FBXL5: variants seen among roughly 807,000 people sequenced by gnomAD.
FBXL5 encodes the protein F-box/LRR-repeat protein 5.
A neutral mutation model predicts 78.3 loss-of-function variants in FBXL5; 26 were observed. The ratio of observed to expected loss-of-function variants is 0.33; its 90% CI spans 0.24 to 0.46. FBXL5 has a LOEUF of 0.46. Among genes scored for constraint, FBXL5 ranks in the 20% least tolerant of loss-of-function variants. The probability of loss-of-function intolerance (pLI) is 1.00; values close to 1 mark genes in which losing one functional copy is unlikely to be tolerated. For missense variants in FBXL5, 710 were observed against 829.2 expected (o/e 0.86, Z 1.77); for synonymous variants, 295 against 282.5 (o/e 1.04, Z -0.45).
upstream of FBXL5, among the ~76,000 whole-genome samples, chr4:15,660,309 C>T (rs184894960): frequency 2.0e-3 from 297 of 152,192 alleles, 5 homozygotes; most frequent in Non-Finnish European, 8.8e-4. Flanking sequence ...TCTTGAACTC[C>T]TAGCTTCAAG....
chr4:15,623,745 A>C (rs1712716247), intron 9 of FBXL5, among the ~76,000 whole-genome samples: 1 of 152,192 alleles, frequency 6.6e-6, no homozygotes, highest in Admixed American at 6.5e-5. Flanking sequence ...GATTCACAGC[A>C]GCCAAACCAC....
intron 10 of FBXL5, among the ~76,000 whole-genome samples, chr4:15,607,858 A>G (rs1331356570): frequency 1.3e-5 from 2 of 152,190 alleles, no homozygotes; most frequent in African/African-American, 4.8e-5. Context: ...AAATTTTTTT[A>G]AAGAAATAAG....
intron 1 of FBXL5, among the ~76,000 whole-genome samples, chr4:15,654,046 G>A (rs892232459): frequency 6.6e-6 from 1 of 152,234 alleles, no homozygotes; most frequent in Non-Finnish European, 1.5e-5. Context: ...GGAGTGCTAA[G>A]ATTTGAAATT....
chr4:15,655,924 C>T (rs904134578), upstream of FBXL5, among the ~76,000 whole-genome samples: 2 of 152,236 alleles, frequency 1.3e-5, no homozygotes, highest in Non-Finnish European at 2.9e-5. Context: ...GAGCTGCGGG[C>T]TCTGAGAGCT....
intron 3 of FBXL5, among the ~76,000 whole-genome samples, chr4:15,639,700 TATTA>T (rs1714641297): frequency 2.0e-5 from 3 of 152,358 alleles, no homozygotes; most frequent in Non-Finnish European, 1.5e-5. Flanking sequence ...ACTGGCTGTA[TATTA>T]CAATGAGTTG....
chr4:15,655,288 C>G lies in FBXL5; in HGVS notation c.-1G>C. On this transcript the variant is annotated 5_prime_UTR_variant, in exon 1 of 11. Coordinates refer to ENST00000341285, the MANE Select transcript of FBXL5 (RefSeq NM_012161.4). The stretch of plus-strand genomic sequence containing the variant: ...CCACTTCTTCAGGAAAGGGCGCCAT[C>G]GCCACTGCCTCAGCCTCCGCCTCAG... The G allele has an allele frequency of 7.0e-7, 1 of 1,424,708 alleles. No individual in the cohort carries two copies. The highest frequency in any genetic ancestry group is 3.2e-5 in the East Asian group (1 of 31,720). The allele number at this position is 1,424,708 out of a possible 1,614,324, so 88.3% of individuals were successfully genotyped here. A position where few individuals can be genotyped will look rare whatever the true frequency, so the allele number is the denominator to read the frequency against.
rs765242310 is a variant in FBXL5 at position 15,605,805 on chromosome 4, T to G, written c.2000-6A>C. The G allele has an allele frequency of 1.2e-6, 2 of 1,602,340 alleles. No individual in the cohort carries two copies. Among genetic ancestry groups the G allele is most frequent in the South Asian group, 1.1e-5 (1 of 90,908 alleles). On this transcript the variant is annotated splice_polypyrimidine_tract_variant and splice_region_variant and intron_variant, in intron 10 of 10. Coordinates refer to ENST00000341285, the MANE Select transcript of FBXL5 (RefSeq NM_012161.4). ...GGCGGTATCAGCATGAGGACCTGTA[T>G]GAAAACAGAAAAATGTGAAAGGAGG...
rs757034034 is a variant in FBXL5, at chr4:15,625,923, A to G, written c.1179T>C (p.Cys393=). 40 of 1,610,376 alleles carry G rather than the reference A, an allele frequency of 2.5e-5. No individual in the cohort carries two copies. Among genetic ancestry groups the G allele is most frequent in the Non-Finnish European group, 3.3e-5 (39 of 1,179,002 alleles). ...QSLRHLDLSG[C]EKITDVALEK... The stretch of plus-strand genomic sequence containing the variant: ...CTAGGGCCACATCTGTGATTTTCTC[A>G]CAACCAGACAGATCAAGATGCCGAA... Residue 393 remains cysteine (C), a synonymous_variant, in exon 9 of 11, where the codon TGT becomes TGC. Coordinates refer to ENST00000341285, the MANE Select transcript of FBXL5 (RefSeq NM_012161.4).
At chr4:15,658,399 C>G (rs1164400396), upstream of FBXL5, among the ~76,000 whole-genome samples, 1 of 152,088 alleles carries the variant, frequency 6.6e-6, no homozygotes, top group Admixed American at 6.5e-5. Flanking sequence ...AAACTTAATC[C>G]CCAATAAGGC....
rs760247772 is a variant in FBXL5, at chr4:15,636,606, G to C, written c.654C>G (p.Ser218Arg). Residue 218 changes from serine to arginine, a missense_variant, in exon 5 of 11, where the codon AGC becomes AGG. By Grantham distance (110) the Ser-to-Arg change is moderately radical. Transcript: ENST00000341285. The stretch of plus-strand genomic sequence containing the variant: ...GACATAACTCTTGAGGATTAAGATA[G>C]CTGAAAATTGACAGCATTACCTCAG... ...LPPEVMLSIF[S>R]YLNPQELCRC... 1.2e-6 allele frequency: 2 copies of C among 1,613,950 alleles called. No individual in the cohort carries two copies. The highest frequency in any genetic ancestry group is 1.7e-6 in the Non-Finnish European group (2 of 1,179,896).
At chr4:15,623,730 G>A (rs982168452) in intron 9 of FBXL5, among the ~76,000 whole-genome samples, 15 of 151,976 alleles carry the variant, frequency 9.9e-5, no homozygotes, top group Non-Finnish European at 1.5e-4. Context: ...GAAAATTAAT[G>A]AAATGATTCA....
intron 1 of FBXL5, among the ~76,000 whole-genome samples, chr4:15,645,191 T>C (rs1715237641): frequency 6.6e-6 from 1 of 152,054 alleles, no homozygotes; most frequent in African/African-American, 2.4e-5. Context: ...AGCTGTCTTA[T>C]TGCCTATTAT....
chr4:15,611,473 T>TTA (rs1722262127), intron 10 of FBXL5, among the ~76,000 whole-genome samples: 1 of 152,050 alleles, frequency 6.6e-6, no homozygotes, highest in East Asian at 1.9e-4. Context: ...TTTTCTCCAG[T>TTA]TATAAATACA....
intron 5 of FBXL5, among the ~76,000 whole-genome samples, chr4:15,632,129 C>T (rs961595523): frequency 2.0e-5 from 3 of 152,198 alleles, no homozygotes; most frequent in Admixed American, 6.5e-5. Context: ...CAGCTATCTA[C>T]ATATGGCTAG....
chr4:15,660,839 G>T (rs2148767235), upstream of FBXL5, among the ~76,000 whole-genome samples: 1 of 152,264 alleles, frequency 6.6e-6, no homozygotes, highest in South Asian at 2.1e-4. Flanking sequence ...AACACTGGGA[G>T]GCCGAGGTGG....
intron 5 of FBXL5, among the ~76,000 whole-genome samples, chr4:15,634,880 A>G (rs1403148849): frequency 1.3e-5 from 2 of 152,122 alleles, no homozygotes; most frequent in Admixed American, 1.3e-4. Context: ...AGCCAGAAAA[A>G]ATATTTTCTG....
chr4:15,676,899 C>A (rs1477601542), intron 1 of FBXL5, among the ~76,000 whole-genome samples: 3 of 152,062 alleles, frequency 2.0e-5, no homozygotes, highest in South Asian at 2.1e-4. Context: ...AGAACAAAAT[C>A]TTAAGAAAAC....
At chr4:15,648,132 T>C (rs1367845691) in intron 1 of FBXL5, among the ~76,000 whole-genome samples, 6 of 152,308 alleles carry the variant, frequency 3.9e-5, no homozygotes, top group South Asian at 2.1e-4. Context: ...GCTGAGATTA[T>C]AGGCACAAGC....
chr4:15,666,538 A>T (rs181747114), intron 1 of FBXL5, among the ~76,000 whole-genome samples: 1 of 149,792 alleles, frequency 6.7e-6, no homozygotes, highest in Non-Finnish European at 1.5e-5. Flanking sequence ...CAAAGCATGC[A>T]AAGTGTCAGG....
Sources: gnomAD v4.1 joint callset for allele counts (sites outside exome capture counted in the v4.1 genomes callset) on GRCh38, gnomAD v4.1.1 for gene constraint, MANE v1.5 for transcripts, NCBI Gene and HGNC (gene_info 2026-07-23, HGNC 2026-07-21) for gene names.